CDYL2: variants seen among roughly 807,000 people sequenced by gnomAD.
CDYL2 encodes the protein chromodomain Y-like protein 2.
CDYL2 carries 23 observed loss-of-function variants against 49.4 expected under a neutral mutation model. The ratio of observed to expected loss-of-function variants is 0.47; its 90% CI spans 0.34 to 0.66. CDYL2 has a LOEUF of 0.66. Ranked by LOEUF, CDYL2 falls within the 30% of genes least tolerant of loss-of-function variation. The pLI, the probability that CDYL2 is intolerant of heterozygous loss-of-function variation, is 0.01. For missense variants in CDYL2, 678 were observed against 656.4 expected, an observed-to-expected ratio of 1.03 and a Z score of -0.36; for synonymous variants, 360 against 268.8, an observed-to-expected ratio of 1.34 and a Z score of -3.32.
chr16:80,615,143 G>T (rs1271350334), intron 4 of CDYL2, among the ~76,000 whole-genome samples: 1 of 152,152 alleles, frequency 6.6e-6, no homozygotes, highest in East Asian at 1.9e-4. Flanking sequence ...CCCCCAAAAG[G>T]TACTACTTCA....
intron 1 of CDYL2, among the ~76,000 whole-genome samples, chr16:80,757,851 C>G (rs185097257): frequency 6.6e-6 from 1 of 151,990 alleles, no homozygotes; most frequent in African/African-American, 2.4e-5. Context: ...ATAAATGAGT[C>G]TATTCTTTCC....
intron 1 of CDYL2, among the ~76,000 whole-genome samples, chr16:80,714,598 G>T (rs1904733257): frequency 6.6e-6 from 1 of 152,064 alleles, no homozygotes; most frequent in African/African-American, 2.4e-5. Flanking sequence ...TCCTAAATTT[G>T]CCACAAGTTA....
At chr16:80,738,326 T>G in intron 1 of CDYL2, among the ~76,000 whole-genome samples, 1 of 152,204 alleles carries the variant, frequency 6.6e-6, no homozygotes, top group East Asian at 1.9e-4. Flanking sequence ...GCAATAAACA[T>G]ACATGCGCAT....
intron 2 of CDYL2, among the ~76,000 whole-genome samples, chr16:80,642,674 C>T (rs1407567579): frequency 6.6e-6 from 1 of 152,096 alleles, no homozygotes; most frequent in Non-Finnish European, 1.5e-5. Context: ...AGGTGAAAGG[C>T]ACTTCTTACA....
chr16:80,613,886 GA>G (rs2142367149), intron 4 of CDYL2, among the ~76,000 whole-genome samples: 1 of 152,318 alleles, frequency 6.6e-6, no homozygotes, highest in East Asian at 1.9e-4. Context: ...GCCTGACCTT[GA>G]CCTGCCTCAG....
intron 1 of CDYL2, among the ~76,000 whole-genome samples, chr16:80,691,387 A>T (rs1340466647): frequency 6.6e-6 from 1 of 152,216 alleles, no homozygotes; most frequent in Non-Finnish European, 1.5e-5. Context: ...AGAAGGCAGT[A>T]GGTTTTTCCC....
At chr16:80,774,903 TA>T (rs71730368) in intron 1 of CDYL2, among the ~76,000 whole-genome samples, 4,840 of 146,654 alleles carry the variant, frequency 0.033, 241 homozygotes, top group African/African-American at 0.1. Flanking sequence ...AGCTAAATAT[TA>T]AAAAAAAAAA....
intron 2 of CDYL2, among the ~76,000 whole-genome samples, chr16:80,646,002 G>A (rs1597146163): frequency 9.5e-6 from 1 of 105,784 alleles, no homozygotes; most frequent in South Asian, 4.4e-4. Context: ...GGGGGAGGGG[G>A]GAGGGGGGAG....
intron 1 of CDYL2, among the ~76,000 whole-genome samples, chr16:80,789,157 C>T (rs1472125219): frequency 2.6e-5 from 4 of 151,960 alleles, no homozygotes; most frequent in African/African-American, 9.7e-5. Context: ...AAAGGGAACA[C>T]TCATACACTA....
intron 1 of CDYL2, among the ~76,000 whole-genome samples, chr16:80,781,384 T>C (rs1033158933): frequency 6.6e-6 from 1 of 151,994 alleles, no homozygotes; most frequent in African/African-American, 2.4e-5. Flanking sequence ...CCCCAAAATA[T>C]ATGAAGCAAA....
chr16:80,734,188 TAG>T (rs1905431228), intron 1 of CDYL2, among the ~76,000 whole-genome samples: 2 of 152,202 alleles, frequency 1.3e-5, no homozygotes, highest in African/African-American at 4.8e-5. Flanking sequence ...CGTATTTCAA[TAG>T]AGTTACCCAG....
chr16:80,676,389 T>C (rs1401677087), intron 2 of CDYL2, among the ~76,000 whole-genome samples: 1 of 152,128 alleles, frequency 6.6e-6, no homozygotes, highest in African/African-American at 2.4e-5. Context: ...GGGAAGTGGA[T>C]ACATGGATAC....
chr16:80,705,653 A>C (rs912152582), intron 1 of CDYL2, among the ~76,000 whole-genome samples: 8 of 152,244 alleles, frequency 5.3e-5, no homozygotes, highest in African/African-American at 1.7e-4. Context: ...ATGGTCAACA[A>C]ACGTTTTTGT....
intron 1 of CDYL2, among the ~76,000 whole-genome samples, chr16:80,735,457 T>G (rs2142544643): frequency 6.6e-6 from 1 of 152,326 alleles, no homozygotes; most frequent in Middle Eastern, 3.4e-3. Flanking sequence ...CAAAAATTAA[T>G]GAGCTAAATG....
At chr16:80,630,623 C>T (rs925159573) in intron 3 of CDYL2, among the ~76,000 whole-genome samples, 1 of 151,946 alleles carries the variant, frequency 6.6e-6, no homozygotes, top group Non-Finnish European at 1.5e-5. Context: ...GCAGAGAACC[C>T]CAGGGATGCT....
At chr16:80,795,261 C>T (rs1345336406) in intron 1 of CDYL2, among the ~76,000 whole-genome samples, 4 of 152,176 alleles carry the variant, frequency 2.6e-5, no homozygotes, top group Non-Finnish European at 5.9e-5. Context: ...CTCAAGTCTC[C>T]ATGTTGAAAC....
At chr16:80,622,048 G>C (rs1220014602) in intron 3 of CDYL2, among the ~76,000 whole-genome samples, 2 of 152,146 alleles carry the variant, frequency 1.3e-5, no homozygotes, top group African/African-American at 4.8e-5. Context: ...CTAGTCCAAG[G>C]CCACACAGTT....
chr16:80,754,788 G>A (rs1906252967), intron 1 of CDYL2, among the ~76,000 whole-genome samples: 1 of 152,152 alleles, frequency 6.6e-6, no homozygotes, highest in Non-Finnish European at 1.5e-5. Flanking sequence ...GGAGTGTGAT[G>A]GGGTTTGGCT....
rs547117886 is a variant in CDYL2, at chr16:80,657,042, A to C, written c.617-23806T>G. On this transcript the variant is annotated intron_variant, in intron 2 of 6. Transcript: ENST00000570137. ...AAAACTATCAGAGAGAGAGAGAAGG[A>C]ACGAGAAACGAAAACAAAACAGAAA... 1.1e-4 allele frequency among the ~76,000 whole-genome samples: 17 copies of C among 152,324 alleles called. No individual in the cohort carries two copies. The South Asian group carries it at 2.9e-3, about 26-fold the overall frequency.
Sources: allele counts gnomAD v4.1 joint callset (sites outside exome capture counted in the v4.1 genomes callset), GRCh38; gene constraint gnomAD v4.1.1; transcripts MANE v1.5; gene names NCBI Gene and HGNC (gene_info 2026-07-23, HGNC 2026-07-21).